The following NDRG2 variants were observed in gnomAD, a reference collection of about 807,000 sequenced individuals.
NDRG2 encodes the protein protein NDRG2.
A neutral mutation model predicts 58.2 loss-of-function variants in NDRG2; 34 were observed. That is an observed-to-expected ratio of 0.58 (90% CI 0.44 to 0.78). The LOEUF (loss-of-function observed/expected upper bound fraction) is 0.78. NDRG2 is among the 30% of genes least tolerant of loss of function. The probability of loss-of-function intolerance (pLI) is 0.00; values close to 1 mark genes in which losing one functional copy is unlikely to be tolerated. For synonymous variants in NDRG2, 187 were observed against 175.9 expected (o/e 1.06, Z -0.50); for missense variants, 434 against 471.2 (o/e 0.92, Z 0.73).
At position 21,043,509 on chromosome 14, in the gene NDRG2, C is replaced by T. The variant is rs200507965; in HGVS notation, c.25-20188G>A. The T allele has an allele frequency of 7.9e-6, 10 of 1,272,610 alleles. No homozygotes were observed. The East Asian group carries it at 1.8e-4, about 23-fold the overall frequency. 78.8% of individuals were successfully genotyped at this position (1,272,610 alleles called of 1,614,324 possible). On this transcript the variant is annotated intron_variant, in intron 1 of 14. Coordinates refer to the NDRG2 transcript ENST00000403829. ...TTTGGCTGACCTTCAATTCCCTCTC[C>T]AGGACTCCGCACCACTCCCCTACAC... is the stretch of plus-strand genomic sequence containing the variant.
rs1886725020 is a variant in NDRG2 at position 21,070,786 on chromosome 14, G to A, written c.24+42C>T. On this transcript the variant is annotated intron_variant, in intron 1 of 14. Transcript: ENST00000403829. This position sits in a 1 kb window ranked among gnomAD's most constrained non-coding sequence, Gnocchi z 4.7. ...GACCCCTGCGGGTTGGTCCTGCAGC[G>A]ACCCTGGAAGAGGCCCGGCCCCTCG... The A allele has an allele frequency of 1.5e-5, 23 of 1,534,636 alleles. No individual in the cohort carries two copies. Among genetic ancestry groups the A allele is most frequent in the Non-Finnish European group, 2.0e-5 (23 of 1,146,128 alleles).
upstream of NDRG2, chr14:21,030,329 A>G: frequency 2.1e-6 from 1 of 481,810 alleles, no homozygotes; most frequent in South Asian, 2.6e-5. Flanking sequence ...TAGGGGAAAG[A>G]GAGGATCATT....
chr14:21,063,749 A>C (rs1450396359), intron 1 of NDRG2, among the ~76,000 whole-genome samples: 2 of 152,230 alleles, frequency 1.3e-5, no homozygotes, highest in Non-Finnish European at 2.9e-5. Flanking sequence ...ATTTAACAAA[A>C]TGTGGTTTTG....
Position 21,070,439 on chromosome 14 carries a change from T to A in NDRG2, c.24+389A>T. ...GCAGCCCCCTGGGTCCCCTCGGCCTTCGCGCAGCCCGCTCCGGGCCCCCAA... is the reference window on the plus strand; with the variant it reads ...GCAGCCCCCTGGGTCCCCTCGGCCTACGCGCAGCCCGCTCCGGGCCCCCAA... On this transcript the variant is annotated intron_variant, in intron 1 of 14. Transcript: ENST00000403829. This position sits in a 1 kb window ranked among gnomAD's most constrained non-coding sequence, Gnocchi z 4.7. 2 of 1,376,132 alleles carry A rather than the reference T, an allele frequency of 1.5e-6. No homozygotes were observed. The highest frequency in any genetic ancestry group is 1.9e-6 in the Non-Finnish European group (2 of 1,072,068). The allele number at this position is 1,376,132 out of a possible 1,614,324, so 85.2% of individuals were successfully genotyped here. A position where few individuals can be genotyped will look rare whatever the true frequency, so the allele number is the denominator to read the frequency against.
At chr14:21,032,775 T>C in intron 1 of NDRG2, 2 of 373,442 alleles carry the variant, frequency 5.4e-6, no homozygotes, top group South Asian at 4.1e-5. Flanking sequence ...GCAGGAGTTC[T>C]GGTGCACTGA....
intron 1 of NDRG2, among the ~76,000 whole-genome samples, chr14:21,068,702 C>G (rs980807396): frequency 1.3e-5 from 2 of 152,170 alleles, no homozygotes; most frequent in African/African-American, 4.8e-5. Flanking sequence ...GGTCCCCTAG[C>G]CGGGTGTTAG....
At chr14:21,025,100 A>C, upstream of NDRG2, 2 of 984,328 alleles carry the variant, frequency 2.0e-6, no homozygotes, top group Non-Finnish European at 2.4e-6. The surrounding 1 kb of genome is among the most constrained non-coding windows in gnomAD (Gnocchi z 5.1). Context: ...GGCTTCCCGC[A>C]GACCCGCCCC....
Position 21,017,741 on chromosome 14 carries a change from C to A in NDRG2, c.971G>T (p.Arg324Leu). The A allele has an allele frequency of 6.2e-7, 1 of 1,600,814 alleles. No homozygotes were observed. The highest frequency in any genetic ancestry group is 8.5e-7 in the Non-Finnish European group (1 of 1,173,444). The change falls in exon 16 of 16, where the codon CGC (arginine) becomes CTC (leucine). Residue 324 changes from arginine to leucine, a missense_variant. Transcript: ENST00000556147. ...AGAGGCTGTACGAGACCGGGACAGGCGAGTCATGCAGGATGAGGCCACTGT... is the reference window on the plus strand; with the variant it reads ...AGAGGCTGTACGAGACCGGGACAGGAGAGTCATGCAGGATGAGGCCACTGT... ...MGYMASSCMTRLSRSRTASLT... is the reference protein window; with the variant it reads ...MGYMASSCMTLLSRSRTASLT...
At chr14:21,069,843 G>A (rs893978861) in intron 1 of NDRG2, among the ~76,000 whole-genome samples, 4 of 152,254 alleles carry the variant, frequency 2.6e-5, no homozygotes, top group African/African-American at 9.6e-5. Flanking sequence ...GAGAGAAGAG[G>A]ATCCCGGGCG....
At chr14:21,040,715 T>C (rs1291029573) in intron 1 of NDRG2, among the ~76,000 whole-genome samples, 1 of 152,218 alleles carries the variant, frequency 6.6e-6, no homozygotes, top group African/African-American at 2.4e-5. Context: ...CTGTCTGCTC[T>C]GGGGCTTTTG....
chr14:21,018,954 G>A (rs1008102547), intron 11 of NDRG2, 140 bp from the exon 12 acceptor site: 60 of 1,274,836 alleles, frequency 4.7e-5, no homozygotes, highest in African/African-American at 6.0e-5. Flanking sequence ...CCACCAAGAG[G>A]ATTCAAAGGG....
chr14:21,035,047 G>C (rs74824766), intron 1 of NDRG2, among the ~76,000 whole-genome samples: 3,074 of 152,252 alleles, frequency 0.02, 102 homozygotes, highest in East Asian at 0.1. Flanking sequence ...TCTTATTCCT[G>C]ACCCTCAGAG....
Position 21,018,746 on chromosome 14 carries a change from C to T in NDRG2, c.813+17G>A. On this transcript the variant is annotated intron_variant, in intron 12 of 15. Transcript: ENST00000556147. ...CCCAACCCTCCTCCCTCACTCACCC[C>T]AAAATTCCCTACTAACCACTGCATC... 1 of 1,614,124 alleles carries T rather than the reference C, an allele frequency of 6.2e-7. No homozygotes were observed. The highest frequency in any genetic ancestry group is 8.5e-7 in the Non-Finnish European group (1 of 1,180,030).
rs374395689 is a variant in NDRG2, at chr14:21,043,257, G to A, written c.25-19936C>T. The A allele has an allele frequency of 3.7e-6, 6 of 1,614,048 alleles. No individual in the cohort carries two copies. In the Middle Eastern group the frequency reaches 4.9e-4, roughly 133 times the overall value. On this transcript the variant is annotated intron_variant, in intron 1 of 14. Coordinates refer to the NDRG2 transcript ENST00000403829. ...CGCCACCTGCCAGACCCCCAAAATA[G>A]CCTGCAAGAATGGCGATAAAAACTG...
chr14:21,043,221 T>A (rs1884988614), intron 1 of NDRG2: 1 of 1,613,934 alleles, frequency 6.2e-7, no homozygotes, highest in African/African-American at 1.3e-5. Flanking sequence ...CGAGCCTTTC[T>A]CCAGTGTGGC....
At chr14:21,053,488 G>A (rs145441455) in intron 1 of NDRG2, among the ~76,000 whole-genome samples, 32 of 152,176 alleles carry the variant, frequency 2.1e-4, no homozygotes, top group African/African-American at 7.0e-4. Context: ...TTAGCCAGGC[G>A]CGGCAGTGGG....
chr14:21,030,341 A>G (rs758920909), upstream of NDRG2: 106 of 509,052 alleles, frequency 2.1e-4, no homozygotes, highest in Admixed American at 3.3e-4. Context: ...AGGATCATTC[A>G]GTAGGTAGGA....
rs1245099193 is a variant in NDRG2 at position 21,017,935 on chromosome 14, C to T, written c.949+52G>A. ...GCATTCACCTAAAACGGTTCCACCC[C>T]GTCAGTGCCTATCTCTCCTCTAGTG... On this transcript the variant is annotated intron_variant, in intron 15 of 15. Coordinates refer to ENST00000556147, the MANE Select transcript of NDRG2 (RefSeq NM_001320329.2). 23 of 1,613,750 alleles carry T rather than the reference C, an allele frequency of 1.4e-5. No individual in the cohort carries two copies. The East Asian group carries it at 2.0e-4, about 14-fold the overall frequency.
At position 21,043,518 on chromosome 14, in the gene NDRG2, G is replaced by A. The variant is rs960922500; in HGVS notation, c.25-20197C>T. 106 of 1,173,546 alleles carry A rather than the reference G, an allele frequency of 9.0e-5. No individual in the cohort carries two copies. The Admixed American group carries it at 1.0e-3, about 12-fold the overall frequency. 72.7% of individuals were successfully genotyped at this position (1,173,546 alleles called of 1,614,324 possible). ...CCTTCAATTCCCTCTCCAGGACTCC[G>A]CACCACTCCCCTACACCCAGAGCAT... On this transcript the variant is annotated intron_variant, in intron 1 of 14. Coordinates refer to the NDRG2 transcript ENST00000403829.
Sources: allele counts gnomAD v4.1 joint callset (sites outside exome capture counted in the v4.1 genomes callset), GRCh38; gene constraint gnomAD v4.1.1; non-coding constraint Gnocchi (gnomAD v3.1); transcripts MANE v1.5; gene names NCBI Gene and HGNC (gene_info 2026-07-23, HGNC 2026-07-21).